Variants in WDR55 observed in about 807,000 individuals in gnomAD.
The protein encoded by WDR55 is WD repeat-containing protein 55.
In WDR55, 31 loss-of-function variants were observed where a neutral mutation model predicts 34.0. That is an observed-to-expected ratio of 0.91 (90% CI 0.69 to 1.23). The LOEUF is 1.23. Among genes scored for constraint, WDR55 ranks in the 50% most tolerant of loss-of-function variants. WDR55 has a pLI of 0.00. For synonymous variants in WDR55, 164 were observed against 185.9 expected (o/e 0.88, Z 0.96); for missense variants, 440 against 494.6 (o/e 0.89, Z 1.05).
intron 1 of WDR55, chr5:140,666,517 C>A: frequency 1.6e-6 from 1 of 615,410 alleles, no homozygotes; most frequent in Non-Finnish European, 2.0e-6. Flanking sequence ...TCCTCTCTCC[C>A]CAGACTAAAA....
In WDR55 at chr5:140,668,852, T is replaced by C. The variant is rs369930859; in HGVS notation, c.561-39T>C. 2.0e-4 allele frequency: 322 copies of C among 1,613,970 alleles called. 1 individual carries two copies. The highest frequency in any genetic ancestry group is 6.2e-4 in the Admixed American group (37 of 60,008). On this transcript the variant is annotated intron_variant, in intron 4 of 6. Coordinates refer to ENST00000358337, the MANE Select transcript of WDR55 (RefSeq NM_017706.5). Reference sequence around the variant, plus strand: ...CCCTGTGTGAAATGTCTTCCTCAAATAGACCTTGCGTCTAAGCCTACTGCT... The same window carrying C: ...CCCTGTGTGAAATGTCTTCCTCAAACAGACCTTGCGTCTAAGCCTACTGCT...
Position 140,671,113 on chromosome 5 carries a change from C to A in WDR55, c.*1459C>A. On this transcript the variant is annotated 3_prime_UTR_variant, in exon 7 of 7. Transcript: ENST00000358337. Reference sequence around the variant, plus strand: ...GGCAAGGCCCCTCACCACAACTTAACCCAAACCTAAGCTGCCCCCAGGTGC... The same window carrying A: ...GGCAAGGCCCCTCACCACAACTTAAACCAAACCTAAGCTGCCCCCAGGTGC... 1.3e-6 allele frequency: 1 copy of A among 789,148 alleles called. No individual in the cohort carries two copies. The highest frequency in any genetic ancestry group is 2.1e-6 in the Non-Finnish European group (1 of 483,266). 48.9% of individuals were successfully genotyped at this position (789,148 alleles called of 1,614,324 possible).
rs145791745 is a variant in WDR55, at chr5:140,668,577, A to T, written c.381-35A>T. ...GACCAGGAGGTCCCCACTGGGACAG[A>T]GATGCTCCAAGAAGTTCTACATCTG... On this transcript the variant is annotated intron_variant, in intron 3 of 6. Coordinates refer to ENST00000358337, the MANE Select transcript of WDR55 (RefSeq NM_017706.5). 2.9e-5 allele frequency: 46 copies of T among 1,610,292 alleles called. No individual in the cohort carries two copies. In the East Asian group the frequency reaches 9.8e-4, roughly 34 times the overall value.
rs1012735979 is a variant in WDR55 at position 140,666,657 on chromosome 5, A to G, written c.191+1554A>G. 5.1e-6 allele frequency: 5 copies of G among 984,876 alleles called. No individual in the cohort carries two copies. The African/African-American group carries it at 8.7e-5, about 17-fold the overall frequency. 61.0% of individuals were successfully genotyped at this position (984,876 alleles called of 1,614,324 possible). A position where few individuals can be genotyped will look rare whatever the true frequency, so the allele number is the denominator to read the frequency against. ...CTGTCTCCTTCACTAATGTTTTTCA[A>G]ACGTCTTTGACCTTGCCTCACAGAG... On this transcript the variant is annotated intron_variant, in intron 1 of 6. Coordinates refer to ENST00000358337, the MANE Select transcript of WDR55 (RefSeq NM_017706.5).
rs755185671 is a variant in WDR55 at position 140,669,599 on chromosome 5, G to C, written c.1097G>C (p.Gly366Ala). 15 of 1,614,046 alleles carry C rather than the reference G, an allele frequency of 9.3e-6. No individual in the cohort carries two copies. In the African/African-American group the frequency reaches 1.3e-4, roughly 14 times the overall value. ...TTCTTCGCAGGACTGAGGGAAGAGG[G>C]AGAAGACTCCATGGCTCAGGAAGAA... ...DDFFAGLREEGEDSMAQEEKE... is the reference protein window; with the variant it reads ...DDFFAGLREEAEDSMAQEEKE... Residue 366 changes from glycine (G) to alanine (A), a missense_variant, in exon 7 of 7, where the codon GGA becomes GCA. Transcript: ENST00000358337.
intron 1 of WDR55, chr5:140,666,877 T>G (rs934036564): frequency 1.9e-5 from 19 of 985,128 alleles, no homozygotes; most frequent in Non-Finnish European, 2.2e-5. Context: ...TAGTCTAGGG[T>G]AGATGCTCAA....
chr5:140,672,066 C>G lies in WDR55; in HGVS notation c.*2412C>G, dbSNP rs1424174932. 1.8e-6 allele frequency: 1 copy of G among 556,008 alleles called. No homozygotes were observed. Among genetic ancestry groups the G allele is most frequent in the East Asian group, 3.1e-5 (1 of 32,234 alleles). 34.4% of individuals were successfully genotyped at this position (556,008 alleles called of 1,614,324 possible). ...CAGTCAGTGTGCTAAGTACCGTACA[C>G]CCATTATGTTACTTAATTCTCATAA... On this transcript the variant is annotated 3_prime_UTR_variant, in exon 7 of 7. Transcript: ENST00000358337.
Position 140,669,094 on chromosome 5 carries a change from G to C in WDR55, c.676G>C (p.Ala226Pro). The stretch of plus-strand genomic sequence containing the variant: ...TTCCCTGCAGTGGGGGAAGAAGGTA[G>C]CCTGTGGCTCCAGTGAAGGTACCAT... The part of the protein sequence containing the change: ...VTLMKWGKKV[A>P]CGSSEGTIYL... The change falls in exon 6 of 7, where the codon GCC becomes CCC. Residue 226 changes from alanine (A) to proline (P), a missense_variant. By Grantham distance (27) the Ala-to-Pro change is conservative (BLOSUM62 -1). Coordinates refer to ENST00000358337, the MANE Select transcript of WDR55 (RefSeq NM_017706.5). 1 of 1,614,204 alleles carries C rather than the reference G, an allele frequency of 6.2e-7. No individual in the cohort carries two copies. The highest frequency in any genetic ancestry group is 8.5e-7 in the Non-Finnish European group (1 of 1,180,046).
In WDR55 at chr5:140,671,347, C is replaced by T. The variant is rs1420515242; in HGVS notation, c.*1693C>T. The T allele has an allele frequency of 6.2e-7, 1 of 1,612,836 alleles. No homozygotes were observed. The highest frequency in any genetic ancestry group is 8.5e-7 in the Non-Finnish European group (1 of 1,179,910). On this transcript the variant is annotated 3_prime_UTR_variant, in exon 7 of 7. Coordinates refer to ENST00000358337, the MANE Select transcript of WDR55 (RefSeq NM_017706.5). ...CCCCAGCAGACCACAGGAGGTTGGCCCCAGACTCACTGAGTGCCTGCAGCA... is the reference window on the plus strand; with the variant it reads ...CCCCAGCAGACCACAGGAGGTTGGCTCCAGACTCACTGAGTGCCTGCAGCA...
rs1561988204 is a variant in WDR55 at position 140,668,736 on chromosome 5, G to A, written c.505G>A (p.Glu169Lys). The A allele has an allele frequency of 6.2e-7, 1 of 1,614,214 alleles. No individual in the cohort carries two copies. ...GPLMDMRQHE[E>K]YIADMALDPA... ...CTTAATGGATATGAGGCAACATGAA[G>A]AGTACATCGCAGACATGGCTCTGGA... Residue 169 changes from glutamate to lysine, a missense_variant, in exon 4 of 7, where the codon GAG (glutamate) becomes AAG (lysine). Transcript: ENST00000358337.
intron 3 of WDR55, 27 bp downstream of exon 3, chr5:140,668,529 T>C: frequency 6.2e-7 from 1 of 1,612,990 alleles, no homozygotes; most frequent in Non-Finnish European, 8.5e-7. Flanking sequence ...ATTCTGTGTA[T>C]GTGCATGGAG....
chr5:140,671,901 C>T lies in WDR55; in HGVS notation c.*2247C>T, dbSNP rs1758086151. ...GGGTAAGAAAAGACAATGAAGCCTT[C>T]AGCCTCCATTATTTGCAAAGGGAGT... On this transcript the variant is annotated 3_prime_UTR_variant, in exon 7 of 7. Transcript: ENST00000358337. 1.2e-6 allele frequency: 1 copy of T among 857,922 alleles called. No individual in the cohort carries two copies. Among genetic ancestry groups the T allele is most frequent in the Non-Finnish European group, 1.9e-6 (1 of 534,228 alleles). 53.1% of individuals were successfully genotyped at this position (857,922 alleles called of 1,614,324 possible).
chr5:140,671,833 T>C lies in WDR55; in HGVS notation c.*2179T>C, dbSNP rs779667066. On this transcript the variant is annotated 3_prime_UTR_variant, in exon 7 of 7. Transcript: ENST00000358337. Reference sequence around the variant, plus strand: ...TGGTGAGCCCTTTGGAGCTACACAGTCCTGTTATTTGTAGCCTTCCCATTT... The same window carrying C: ...TGGTGAGCCCTTTGGAGCTACACAGCCCTGTTATTTGTAGCCTTCCCATTT... 32 of 1,423,660 alleles carry C rather than the reference T, an allele frequency of 2.2e-5. No individual in the cohort carries two copies. The highest frequency in any genetic ancestry group is 2.9e-5 in the Non-Finnish European group (30 of 1,032,168). 88.2% of individuals were successfully genotyped at this position (1,423,660 alleles called of 1,614,324 possible). A position where few individuals can be genotyped will look rare whatever the true frequency, so the allele number is the denominator to read the frequency against.
At position 140,669,639 on chromosome 5, in the gene WDR55, G is replaced by T. The variant is rs143858839; in HGVS notation, c.1137G>T (p.Gly379=). Residue 379 remains glycine, a synonymous_variant, in exon 7 of 7, where the codon GGG becomes GGT. Coordinates refer to ENST00000358337, the MANE Select transcript of WDR55 (RefSeq NM_017706.5). ...SMAQEEKEET[G]DDSD is the part of the protein sequence containing the mutation. ...CTCAGGAAGAAAAGGAGGAGACTGG[G>T]GATGACAGTGACTGAAGGAATGAAT... 24 of 1,612,756 alleles carry T rather than the reference G, an allele frequency of 1.5e-5. No homozygotes were observed. Among genetic ancestry groups the T allele is most frequent in the Non-Finnish European group, 2.0e-5 (24 of 1,179,286 alleles).
At position 140,664,906 on chromosome 5, in the gene WDR55, T is replaced by C. The variant is rs376716896; in HGVS notation, c.-7T>C. 7 of 1,592,950 alleles carry C rather than the reference T, an allele frequency of 4.4e-6. No individual in the cohort carries two copies. In the African/African-American group the frequency reaches 9.4e-5, roughly 21 times the overall value. ...CTGCGGCGGCGCGGCTCGCAGTCCT[T>C]CTCAGCATGGACCGCACTTGTGAGG... is the stretch of plus-strand genomic sequence containing the variant. On this transcript the variant is annotated 5_prime_UTR_variant, in exon 1 of 7. Coordinates refer to ENST00000358337, the MANE Select transcript of WDR55 (RefSeq NM_017706.5).
rs1234114587 is a variant in WDR55 at position 140,669,485 on chromosome 5, G to A, written c.983G>A (p.Arg328Gln). 13 of 1,614,140 alleles carry A rather than the reference G, an allele frequency of 8.1e-6. No homozygotes were observed. Among genetic ancestry groups the A allele is most frequent in the East Asian group, 4.5e-5 (2 of 44,880 alleles). The change falls in exon 7 of 7, where the codon CGA becomes CAA. Residue 328 changes from arginine to glutamine, a missense_variant. Transcript: ENST00000358337. Reference sequence around the variant, plus strand: ...AAGTTTTGGGACATGGCCCAGCTGCGAGCTGTGGTGGTGGATGACTACCGT... The same window carrying A: ...AAGTTTTGGGACATGGCCCAGCTGCAAGCTGTGGTGGTGGATGACTACCGT... Reference protein sequence around the residue: ...RLKFWDMAQLRAVVVDDYRRR... With the variant: ...RLKFWDMAQLQAVVVDDYRRR...
In WDR55 at chr5:140,669,170, TGA is replaced by T; in HGVS notation, c.756_757del (p.Arg252SerfsTer2). ...GGGGCCACAAGTGACCGCTTTGCCC[TGA>T]GAGCTGAATCTATCGACTGCATGGT... On this transcript the variant is annotated frameshift_variant, in exon 6 of 7. Transcript: ENST00000358337. LOFTEE classifies it high-confidence loss of function. 1 of 1,614,152 alleles carries T rather than the reference TGA, an allele frequency of 6.2e-7. No homozygotes were observed. Among genetic ancestry groups the T allele is most frequent in the Non-Finnish European group, 8.5e-7 (1 of 1,180,036 alleles).
In WDR55 at chr5:140,671,421, C is replaced by T; in HGVS notation, c.*1767C>T. 1.2e-6 allele frequency: 2 copies of T among 1,612,160 alleles called. No homozygotes were observed. Among genetic ancestry groups the T allele is most frequent in the Non-Finnish European group, 1.7e-6 (2 of 1,179,856 alleles). ...GCCACCTCATGCCCATCCCGGCCAT[C>T]TAGGGTCAGCACAACCCAGATGAGG... On this transcript the variant is annotated 3_prime_UTR_variant, in exon 7 of 7. Coordinates refer to ENST00000358337, the MANE Select transcript of WDR55 (RefSeq NM_017706.5).
chr5:140,668,184 G>A (rs1757968028), intron 1 of WDR55, 50 bp from the exon 2 acceptor site: 1 of 1,535,528 alleles, frequency 6.5e-7, no homozygotes, highest in Non-Finnish European at 8.8e-7. Context: ...TGCACTCAAT[G>A]CAACCCAGGC....
Sources: allele counts gnomAD v4.1 joint callset, GRCh38; gene constraint gnomAD v4.1.1; transcripts MANE v1.5; gene names NCBI Gene and HGNC (gene_info 2026-07-23, HGNC 2026-07-21).